The following RBFOX1 variants were observed in gnomAD, a reference collection of about 807,000 sequenced individuals.
The protein encoded by RBFOX1 is RNA binding fox-1 homolog 1, also known as RNA binding protein fox-1 homolog 1.
RBFOX1 carries 8 observed loss-of-function variants against 57.7 expected under a neutral mutation model. That is an observed-to-expected ratio of 0.14 (90% CI 0.08 to 0.25). RBFOX1 has a LOEUF of 0.25. Ranked by LOEUF, RBFOX1 falls within the 10% of genes least tolerant of loss-of-function variation. The pLI is 1.00. For missense variants in RBFOX1, 611 were observed against 548.5 expected, an observed-to-expected ratio of 1.11 and a Z score of -1.14; for synonymous variants, 326 against 222.4, an observed-to-expected ratio of 1.47 and a Z score of -4.15.
chr16:7,370,538 T>C (rs568839959), intron 4 of RBFOX1, among the ~76,000 whole-genome samples: 1 of 152,322 alleles, frequency 6.6e-6, no homozygotes, highest in African/African-American at 2.4e-5. Flanking sequence ...CTCCCCACTC[T>C]TTTTAACTCC....
intron 3 of RBFOX1, among the ~76,000 whole-genome samples, chr16:5,750,050 G>A (rs2053135417): frequency 6.6e-6 from 1 of 152,120 alleles, no homozygotes; most frequent in African/African-American, 2.4e-5. Context: ...TTTTGGTGTG[G>A]ATGTCCTTTC....
chr16:6,119,597 C>A (rs1273814576), intron 1 of RBFOX1, among the ~76,000 whole-genome samples: 1 of 152,162 alleles, frequency 6.6e-6, no homozygotes, highest in Non-Finnish European at 1.5e-5. Flanking sequence ...TCATTCTCCT[C>A]CATTTATTCA....
intron 3 of RBFOX1, among the ~76,000 whole-genome samples, chr16:6,726,660 C>G (rs1206265586): frequency 1.3e-5 from 2 of 152,160 alleles, no homozygotes; most frequent in African/African-American, 2.4e-5. Context: ...GCCCAGAGAA[C>G]TAGCTTGCTG....
chr16:5,567,226 G>T (rs1235678333), intron 2 of RBFOX1, among the ~76,000 whole-genome samples: 2 of 152,234 alleles, frequency 1.3e-5, no homozygotes, highest in Non-Finnish European at 2.9e-5. Context: ...TTGCAGACAT[G>T]TGGGACGTAT....
chr16:5,413,408 C>A (rs1329950963), intron 1 of RBFOX1, among the ~76,000 whole-genome samples: 1 of 152,174 alleles, frequency 6.6e-6, no homozygotes, highest in Non-Finnish European at 1.5e-5. Flanking sequence ...GCATCCAATA[C>A]ATATCCGTGG....
At chr16:7,126,817 G>T (rs985656529) in intron 4 of RBFOX1, among the ~76,000 whole-genome samples, 1 of 151,838 alleles carries the variant, frequency 6.6e-6, no homozygotes, top group African/African-American at 2.4e-5. Flanking sequence ...TTTTAGCCTG[G>T]CCAATACGGT....
chr16:7,700,756 C>G (rs1206474591), intron 14 of RBFOX1, among the ~76,000 whole-genome samples: 1 of 152,270 alleles, frequency 6.6e-6, no homozygotes, highest in African/African-American at 2.4e-5. Context: ...ACTGTGTCTT[C>G]TCTACTCCGA....
In RBFOX1 at chr16:5,894,703, G is replaced by A. The variant is rs562541894; in HGVS notation, c.351+27368G>A. ...TACATTGGACCATGTTATCTATATT[G>A]CACAGCAAGAAGAAGAAACAGGAAA... On this transcript the variant is annotated intron_variant, in intron 4 of 19. Coordinates refer to the RBFOX1 transcript ENST00000641259. 3.3e-5 allele frequency among the ~76,000 whole-genome samples: 5 copies of A among 152,172 alleles called. No individual in the cohort carries two copies. In the South Asian group the frequency reaches 1.0e-3, roughly 32 times the overall value.
chr16:5,319,318 C>G (rs1468997116), intron 1 of RBFOX1, among the ~76,000 whole-genome samples: 2 of 152,182 alleles, frequency 1.3e-5, no homozygotes, highest in African/African-American at 4.8e-5. Context: ...AGGAGCCAAG[C>G]ATTCACTCCT....
intron 15 of RBFOX1, chr16:7,709,399 T>G (rs1326088292): frequency 7.9e-7 from 1 of 1,265,542 alleles, no homozygotes; most frequent in Non-Finnish European, 1.0e-6. Flanking sequence ...TAATTAGTCA[T>G]TTTGATAATT....
In RBFOX1 at chr16:5,412,833, A is replaced by AT. The variant is rs200765848; in HGVS notation, c.220-54378dup. ...AAGCCTGTCACAGCTAGGGCTTCACATTTTTGGGAAGGATCCAGGAGTCCT... is the reference window on the plus strand; with the variant it reads ...AAGCCTGTCACAGCTAGGGCTTCACATTTTTTGGGAAGGATCCAGGAGTCCT... On this transcript the variant is annotated intron_variant, in intron 1 of 2. Coordinates refer to the RBFOX1 transcript ENST00000585867. 9.5e-3 allele frequency among the ~76,000 whole-genome samples: 1,446 copies of AT among 152,294 alleles called. 15 individuals are homozygous for AT. The highest frequency in any genetic ancestry group is 0.021 in the African/African-American group (882 of 41,550).
intron 2 of RBFOX1, among the ~76,000 whole-genome samples, chr16:6,436,511 C>CTTTTTTTTTT (rs61508952): frequency 9.7e-6 from 1 of 103,420 alleles, no homozygotes; most frequent in Non-Finnish European, 2.0e-5. Context: ...TTTTTCTTCA[C>CTTTTTTTTTT]TTTTTTTTTT....
intron 4 of RBFOX1, among the ~76,000 whole-genome samples, chr16:7,133,292 A>G (rs900948135): frequency 1.3e-5 from 2 of 152,158 alleles, no homozygotes; most frequent in Non-Finnish European, 2.9e-5. Flanking sequence ...AGCCATGGAG[A>G]GTACACTTGA....
At chr16:6,196,370 A>G (rs563463635) in intron 1 of RBFOX1, among the ~76,000 whole-genome samples, 31 of 152,318 alleles carry the variant, frequency 2.0e-4, no homozygotes, top group African/African-American at 7.0e-4. Context: ...TTCATCATCT[A>G]TGAAATTGAC....
At chr16:5,733,020 T>A (rs1417818110) in intron 3 of RBFOX1, among the ~76,000 whole-genome samples, 1 of 152,142 alleles carries the variant, frequency 6.6e-6, no homozygotes, top group African/African-American at 2.4e-5. Context: ...TACACATTTT[T>A]GAAAACTCAT....
chr16:7,198,741 A>G (rs1363979735), intron 4 of RBFOX1, among the ~76,000 whole-genome samples: 1 of 152,208 alleles, frequency 6.6e-6, no homozygotes, highest in Admixed American at 6.5e-5. Flanking sequence ...TTTATTCGTG[A>G]AAGTGGAGTT....
chr16:5,578,076 C>A (rs1207735170), intron 2 of RBFOX1, among the ~76,000 whole-genome samples: 1 of 152,154 alleles, frequency 6.6e-6, no homozygotes, highest in Non-Finnish European at 1.5e-5. Context: ...CTCATCCTCC[C>A]GAGTAGCTGG....
In RBFOX1 at chr16:6,449,031, G is replaced by T. The variant is rs531996253; in HGVS notation, c.-64+131974G>T. 7.2e-5 allele frequency among the ~76,000 whole-genome samples: 11 copies of T among 152,260 alleles called. No individual in the cohort carries two copies. In the East Asian group the frequency reaches 2.1e-3, roughly 29 times the overall value. On this transcript the variant is annotated intron_variant, in intron 2 of 15. Coordinates refer to ENST00000550418, the MANE Select transcript of RBFOX1 (RefSeq NM_018723.4). ...AAAAGAAGGTAGCAGTTATCATTAG[G>T]ACAGAAAGACATAAAGTCCTATATT...
chr16:5,926,876 C>T (rs958861371), intron 4 of RBFOX1, among the ~76,000 whole-genome samples: 1 of 151,992 alleles, frequency 6.6e-6, no homozygotes, highest in Admixed American at 6.5e-5. Flanking sequence ...TTTTTATTAG[C>T]TCCATTTTCT....
Sources: gnomAD v4.1 joint callset for allele counts (sites outside exome capture counted in the v4.1 genomes callset) on GRCh38, gnomAD v4.1.1 for gene constraint, MANE v1.5 for transcripts, NCBI Gene and HGNC (gene_info 2026-07-23, HGNC 2026-07-21) for gene names.